Variants in RGS6 observed in about 807,000 individuals in gnomAD.
RGS6 encodes regulator of G-protein signaling 6.
RGS6 carries 30 observed loss-of-function variants against 78.5 expected under a neutral mutation model. The ratio of observed to expected loss-of-function variants is 0.38; its 90% CI spans 0.29 to 0.52. RGS6 has a LOEUF of 0.52. Among genes scored for constraint, RGS6 ranks in the 20% least tolerant of loss-of-function variants. The pLI, the probability that RGS6 is intolerant of heterozygous loss-of-function variation, is 0.85. For synonymous variants in RGS6, 206 were observed against 206.0 expected, an observed-to-expected ratio of 1.00 and a Z score of 0.00; for missense variants, 495 against 609.7, an observed-to-expected ratio of 0.81 and a Z score of 1.98.
intron 2 of RGS6, among the ~76,000 whole-genome samples, chr14:72,304,400 A>G (rs1244874702): frequency 6.6e-6 from 1 of 152,224 alleles, no homozygotes; most frequent in Non-Finnish European, 1.5e-5. Context: ...ACTCTATAGT[A>G]TGAATAGGAA....
intron 2 of RGS6, among the ~76,000 whole-genome samples, chr14:72,141,537 G>A (rs950526638): frequency 6.6e-6 from 1 of 152,182 alleles, no homozygotes; most frequent in East Asian, 1.9e-4. Context: ...TAAAGTTTCA[G>A]AGAGAAATAC....
chr14:72,469,177 A>T (rs2096007280), intron 7 of RGS6, among the ~76,000 whole-genome samples: 1 of 149,678 alleles, frequency 6.7e-6, no homozygotes, highest in South Asian at 2.1e-4. Flanking sequence ...TTTCATGAAC[A>T]TCACAAACGT....
At chr14:72,339,461 C>T (rs1331716901) in intron 2 of RGS6, among the ~76,000 whole-genome samples, 3 of 152,150 alleles carry the variant, frequency 2.0e-5, no homozygotes, top group Non-Finnish European at 4.4e-5. Context: ...AACTAAAATG[C>T]CATTGTACCT....
intron 8 of RGS6, among the ~76,000 whole-genome samples, chr14:72,472,052 G>A (rs2096091534): frequency 6.6e-6 from 1 of 151,946 alleles, no homozygotes. Context: ...GTGATTATGG[G>A]TTTATTTCAG....
chr14:72,011,938 T>C (rs1313056505), intron 2 of RGS6, among the ~76,000 whole-genome samples: 3 of 152,004 alleles, frequency 2.0e-5, no homozygotes, highest in Non-Finnish European at 4.4e-5. Context: ...TTCTATTTAC[T>C]TTTTTTTGTT....
the RGS6 span, among the ~76,000 whole-genome samples, chr14:71,899,249 ACTAG>A: frequency 6.6e-6 from 1 of 152,244 alleles, no homozygotes; most frequent in East Asian, 1.9e-4. Context: ...CTGTTCAAGA[ACTAG>A]CTTGTATTTG....
intron 2 of RGS6, among the ~76,000 whole-genome samples, chr14:72,332,086 G>T (rs566025803): frequency 6.6e-6 from 1 of 152,174 alleles, no homozygotes; most frequent in South Asian, 2.1e-4. Flanking sequence ...GCTAGACACT[G>T]TTGAGCCCAA....
At chr14:72,109,955 A>G (rs994311510) in intron 2 of RGS6, among the ~76,000 whole-genome samples, 3 of 152,204 alleles carry the variant, frequency 2.0e-5, no homozygotes, top group Non-Finnish European at 2.9e-5. Context: ...TTCCACCCCA[A>G]TATTCAATCT....
At chr14:72,007,960 G>T (rs1244622534) in intron 2 of RGS6, among the ~76,000 whole-genome samples, 1 of 152,140 alleles carries the variant, frequency 6.6e-6, no homozygotes, top group Non-Finnish European at 1.5e-5. Context: ...CAAGTAAAAA[G>T]CAGACTGAGA....
intron 17 of RGS6, among the ~76,000 whole-genome samples, chr14:72,554,049 G>A (rs953265843): frequency 3.9e-5 from 6 of 152,200 alleles, no homozygotes; most frequent in Non-Finnish European, 8.8e-5. Flanking sequence ...TACTTCCTCC[G>A]GTTAGGAATC....
intron 2 of RGS6, among the ~76,000 whole-genome samples, chr14:72,111,791 A>C (rs1400283210): frequency 6.6e-6 from 1 of 152,180 alleles, no homozygotes; most frequent in African/African-American, 2.4e-5. Context: ...GTGCGCACTC[A>C]AAAGGGATCC....
At chr14:72,230,457 T>TGA (rs774449941) in intron 2 of RGS6, among the ~76,000 whole-genome samples, 1 of 151,988 alleles carries the variant, frequency 6.6e-6, no homozygotes, top group Non-Finnish European at 1.5e-5. Flanking sequence ...GTTTGAAGGA[T>TGA]GAGAGAGAGA....
chr14:72,340,106 G>A (rs908617468), intron 2 of RGS6, among the ~76,000 whole-genome samples: 5 of 152,130 alleles, frequency 3.3e-5, no homozygotes, highest in African/African-American at 1.2e-4. Flanking sequence ...ATTTATATTT[G>A]GAATGAGTGA....
chr14:72,525,730 A>G (rs563149519), intron 15 of RGS6, among the ~76,000 whole-genome samples: 38 of 152,358 alleles, frequency 2.5e-4, no homozygotes, highest in African/African-American at 7.9e-4. Context: ...ATTGCGTGCC[A>G]GTATCACAAG....
the RGS6 span, among the ~76,000 whole-genome samples, chr14:71,892,903 G>A: frequency 1.3e-5 from 2 of 152,176 alleles, no homozygotes; most frequent in Non-Finnish European, 2.9e-5. Context: ...ATAGTGTAAC[G>A]AGATAATAAT....
At chr14:72,274,898 A>G (rs570440193) in intron 2 of RGS6, among the ~76,000 whole-genome samples, 1 of 152,372 alleles carries the variant, frequency 6.6e-6, no homozygotes, top group East Asian at 1.9e-4. Flanking sequence ...ATAATTTGTT[A>G]TAACAGCAGA....
At chr14:72,021,808 A>G (rs1299726440) in intron 2 of RGS6, among the ~76,000 whole-genome samples, 1 of 151,480 alleles carries the variant, frequency 6.6e-6, no homozygotes, top group Non-Finnish European at 1.5e-5. Flanking sequence ...TCAGGGGTAC[A>G]TGTGAAGGTT....
the RGS6 span, among the ~76,000 whole-genome samples, chr14:71,884,395 T>C: frequency 2.3e-3 from 343 of 152,196 alleles, 2 homozygotes; most frequent in African/African-American, 8.0e-3. Context: ...GTCAGTGGAG[T>C]GCTGAAGAGG....
chr14:72,606,208 C>T, the RGS6 span, among the ~76,000 whole-genome samples: 2 of 152,194 alleles, frequency 1.3e-5, no homozygotes, highest in Non-Finnish European at 2.9e-5. Flanking sequence ...CCCCAGAAGG[C>T]CCCTGACTCA....
Sources: allele counts gnomAD v4.1 joint callset (sites outside exome capture counted in the v4.1 genomes callset), GRCh38; gene constraint gnomAD v4.1.1; transcripts MANE v1.5; gene names NCBI Gene and HGNC (gene_info 2026-07-23, HGNC 2026-07-21).